EXOC6B: variants seen among roughly 807,000 people sequenced by gnomAD.
The protein encoded by EXOC6B is SEC15 homolog B.
In EXOC6B, 54 loss-of-function variants were observed where a neutral mutation model predicts 113.5. The observed-to-expected ratio is 0.48, with a 90% CI of 0.38 to 0.60. The LOEUF (loss-of-function observed/expected upper bound fraction) is 0.60. EXOC6B is among the 20% of genes least tolerant of loss of function. The pLI is 0.00. For synonymous variants in EXOC6B, 357 were observed against 339.0 expected (o/e 1.05, Z -0.58); for missense variants, 797 against 977.5 (o/e 0.82, Z 2.46).
chr2:72,218,970 A>T (rs1680701212), intron 20 of EXOC6B, among the ~76,000 whole-genome samples: 1 of 152,016 alleles, frequency 6.6e-6, no homozygotes, highest in Non-Finnish European at 1.5e-5. Context: ...CTTAAAAAAA[A>T]AAAAAGGAAC....
intron 18 of EXOC6B, among the ~76,000 whole-genome samples, chr2:72,440,513 C>G (rs1696137821): frequency 6.6e-6 from 1 of 152,158 alleles, no homozygotes; most frequent in Admixed American, 6.5e-5. Flanking sequence ...ACCTGCCTTG[C>G]AAGAGCTCCT....
At chr2:72,331,048 G>A (rs1438352200) in intron 20 of EXOC6B, among the ~76,000 whole-genome samples, 3 of 152,056 alleles carry the variant, frequency 2.0e-5, no homozygotes, top group Non-Finnish European at 2.9e-5. Context: ...GTAGAAATTT[G>A]AGCTTCATAA....
At chr2:72,604,995 T>C (rs1014858310) in intron 6 of EXOC6B, among the ~76,000 whole-genome samples, 2 of 152,092 alleles carry the variant, frequency 1.3e-5, no homozygotes, top group African/African-American at 4.8e-5. Flanking sequence ...AAGATTACAA[T>C]TAAGAATCTC....
chr2:72,649,366 CT>C (rs1211948922), intron 6 of EXOC6B, among the ~76,000 whole-genome samples: 1 of 152,058 alleles, frequency 6.6e-6, no homozygotes, highest in Non-Finnish European at 1.5e-5. Context: ...GATTAGATTG[CT>C]TGTAACACAA....
intron 20 of EXOC6B, among the ~76,000 whole-genome samples, chr2:72,240,568 G>A (rs1051046459): frequency 5.3e-5 from 8 of 152,136 alleles, no homozygotes; most frequent in East Asian, 1.9e-4. Context: ...GGATGTTAGC[G>A]AAAAATTAAA....
chr2:72,426,874 G>A (rs1224246964), intron 18 of EXOC6B, among the ~76,000 whole-genome samples: 1 of 152,258 alleles, frequency 6.6e-6, no homozygotes, highest in Non-Finnish European at 1.5e-5. Context: ...GAGAGGAGGT[G>A]CAAGCAGTGG....
At chr2:72,222,233 A>G (rs1680915355) in intron 20 of EXOC6B, among the ~76,000 whole-genome samples, 1 of 152,186 alleles carries the variant, frequency 6.6e-6, no homozygotes, top group Non-Finnish European at 1.5e-5. Context: ...AGGGAATACT[A>G]TGACTGCCAC....
chr2:72,468,336 T>G (rs928340440), intron 17 of EXOC6B, among the ~76,000 whole-genome samples: 5 of 152,204 alleles, frequency 3.3e-5, no homozygotes, highest in African/African-American at 9.6e-5. Flanking sequence ...TGGTGTGAGA[T>G]GAGGAACAAA....
intron 1 of EXOC6B, among the ~76,000 whole-genome samples, chr2:72,788,795 G>T (rs1390151676): frequency 1.3e-5 from 2 of 152,160 alleles, no homozygotes; most frequent in Non-Finnish European, 2.9e-5. Flanking sequence ...CCTCAAAAAA[G>T]GGGGGCGACC....
At chr2:72,773,804 C>T (rs1277384142) in intron 1 of EXOC6B, among the ~76,000 whole-genome samples, 1 of 152,084 alleles carries the variant, frequency 6.6e-6, no homozygotes, top group Non-Finnish European at 1.5e-5. Flanking sequence ...TATGGCAATG[C>T]GCAGTTTTGG....
intron 1 of EXOC6B, among the ~76,000 whole-genome samples, chr2:72,750,035 A>G (rs183381090): frequency 9.4e-4 from 142 of 151,640 alleles, no homozygotes; most frequent in African/African-American, 3.3e-3. Flanking sequence ...ATATATACAT[A>G]TACATACCTC....
intron 6 of EXOC6B, among the ~76,000 whole-genome samples, chr2:72,604,976 C>T (rs1670659253): frequency 6.6e-6 from 1 of 152,134 alleles, no homozygotes; most frequent in Non-Finnish European, 1.5e-5. Context: ...AAGCAAAACA[C>T]AGCCTATAAA....
At chr2:72,391,434 G>C (rs1692375296) in intron 18 of EXOC6B, among the ~76,000 whole-genome samples, 1 of 152,096 alleles carries the variant, frequency 6.6e-6, no homozygotes, top group African/African-American at 2.4e-5. Flanking sequence ...TTTTTCCCAT[G>C]AATGTGTCCT....
At chr2:72,305,958 G>T (rs915471140) in intron 20 of EXOC6B, among the ~76,000 whole-genome samples, 3 of 152,004 alleles carry the variant, frequency 2.0e-5, no homozygotes, top group African/African-American at 7.2e-5. Flanking sequence ...ACATGACCAG[G>T]GCCTTCTGTC....
rs575305892 is a variant in EXOC6B, at chr2:72,409,494, C to T, written c.1981-29624G>A. 2.6e-5 allele frequency among the ~76,000 whole-genome samples: 4 copies of T among 152,148 alleles called. No individual in the cohort carries two copies. The East Asian group carries it at 7.8e-4, about 30-fold the overall frequency. On this transcript the variant is annotated intron_variant, in intron 18 of 21. Coordinates refer to ENST00000272427, the MANE Select transcript of EXOC6B (RefSeq NM_015189.3). ...AATGTCCAACAATGATAGACTGGAT[C>T]AAGAAAAGTTGGCACATATACACCA...
At chr2:72,333,718 T>G (rs1450283240) in intron 20 of EXOC6B, among the ~76,000 whole-genome samples, 1 of 152,052 alleles carries the variant, frequency 6.6e-6, no homozygotes, top group Non-Finnish European at 1.5e-5. Flanking sequence ...AAATATTAAG[T>G]TGACACACGT....
At chr2:72,243,682 T>C (rs777353200) in intron 20 of EXOC6B, among the ~76,000 whole-genome samples, 3 of 152,244 alleles carry the variant, frequency 2.0e-5, no homozygotes, top group East Asian at 1.9e-4. Context: ...ACATGGCACA[T>C]GTATGCCTAT....
In EXOC6B at chr2:72,460,761, G is replaced by A. The variant is rs1697582451; in HGVS notation, c.1980+4399C>T. ...AGGAACACTTTTACACTGTTGGTGG[G>A]ACTGTAAACTAGTTCAACCATTGTG... On this transcript the variant is annotated intron_variant, in intron 18 of 21. Transcript: ENST00000272427. 2.0e-5 allele frequency among the ~76,000 whole-genome samples: 3 copies of A among 152,078 alleles called. No individual in the cohort carries two copies. In the South Asian group the frequency reaches 6.2e-4, roughly 32 times the overall value.
At chr2:72,569,452 T>G (rs1558804831) in intron 7 of EXOC6B, among the ~76,000 whole-genome samples, 2 of 152,152 alleles carry the variant, frequency 1.3e-5, no homozygotes, top group Admixed American at 6.6e-5. Context: ...ACCATATCCC[T>G]GACGGCAACA....
Sources: gnomAD v4.1 joint callset for allele counts (sites outside exome capture counted in the v4.1 genomes callset) on GRCh38, gnomAD v4.1.1 for gene constraint, MANE v1.5 for transcripts, NCBI Gene and HGNC (gene_info 2026-07-23, HGNC 2026-07-21) for gene names.